The following LANCL2 variants were observed in gnomAD, a reference collection of about 807,000 sequenced individuals.
LANCL2 encodes the protein lanC-like protein 2.
In LANCL2, 33 loss-of-function variants were observed where a neutral mutation model predicts 56.9. The observed-to-expected ratio is 0.58, with a 90% CI of 0.44 to 0.78. The LOEUF (loss-of-function observed/expected upper bound fraction) is 0.78, where lower values mean the gene tolerates loss of function less well. Among genes scored for constraint, LANCL2 ranks in the 30% least tolerant of loss-of-function variants. The probability of loss-of-function intolerance (pLI) is 0.00; values close to 1 mark genes in which losing one functional copy is unlikely to be tolerated. For synonymous variants in LANCL2, 233 were observed against 228.2 expected, an observed-to-expected ratio of 1.02 and a Z score of -0.19; for missense variants, 562 against 580.2, an observed-to-expected ratio of 0.97 and a Z score of 0.32.
At chr7:55,414,983 CAA>C (rs372708498) in intron 6 of LANCL2, among the ~76,000 whole-genome samples, 61 of 62,244 alleles carry the variant, frequency 9.8e-4, no homozygotes, top group Non-Finnish European at 1.3e-3. Context: ...GACCCTACCT[CAA>C]AAAAAAAAAA....
intron 5 of LANCL2, among the ~76,000 whole-genome samples, chr7:55,409,168 A>G (rs1425477412): frequency 1.3e-5 from 2 of 149,442 alleles, no homozygotes; most frequent in Non-Finnish European, 3.0e-5. Context: ...GGCTCACTGC[A>G]AGCTCTGCCT....
rs979325984 is a variant in LANCL2 at position 55,433,296 on chromosome 7, T to C, written c.*1976T>C. On this transcript the variant is annotated 3_prime_UTR_variant, in exon 9 of 9. Transcript: ENST00000254770. ...TCTTTCTAACACACTGAGGGAAAGA[T>C]TAAAATCTGTGGAATAAAGGAGGAG... The C allele has an allele frequency of 3.5e-4, 54 of 152,234 alleles. No homozygotes were observed. Among genetic ancestry groups the C allele is most frequent in the African/African-American group, 1.3e-3 (52 of 41,472 alleles). The allele number at this position is 152,234 out of a possible 1,614,324, so 9.4% of individuals were successfully genotyped here.
At chr7:55,368,970 C>G (rs1789906849) in intron 1 of LANCL2, among the ~76,000 whole-genome samples, 1 of 152,062 alleles carries the variant, frequency 6.6e-6, no homozygotes, top group Non-Finnish European at 1.5e-5. Context: ...CATAGTGAGA[C>G]CCTGTCTCTT....
intron 8 of LANCL2, among the ~76,000 whole-genome samples, chr7:55,429,837 C>T (rs957887721): frequency 6.6e-6 from 1 of 152,280 alleles, no homozygotes; most frequent in African/African-American, 2.4e-5. Context: ...CACCTCCTTC[C>T]CCTGTGCCTC....
intron 5 of LANCL2, among the ~76,000 whole-genome samples, chr7:55,410,901 A>G (rs1197173514): frequency 6.6e-6 from 1 of 151,820 alleles, no homozygotes; most frequent in Non-Finnish European, 1.5e-5. Context: ...AGGTGTTAAC[A>G]TGTCACCCTA....
intron 5 of LANCL2, among the ~76,000 whole-genome samples, chr7:55,402,888 T>A (rs1343860511): frequency 7.3e-6 from 1 of 137,200 alleles, no homozygotes; most frequent in African/African-American, 2.8e-5. Flanking sequence ...ATGGGCGGCC[T>A]GGCAGAGACG....
chr7:55,412,135 GT>G, intron 6 of LANCL2, 46 bp downstream of exon 6: 1 of 1,562,214 alleles, frequency 6.4e-7, no homozygotes, highest in Non-Finnish European at 8.7e-7. Flanking sequence ...GGGGAGCCAG[GT>G]TTCCCTGTCA....
intron 8 of LANCL2, among the ~76,000 whole-genome samples, chr7:55,430,757 G>A (rs548042196): frequency 2.6e-4 from 40 of 152,318 alleles, no homozygotes; most frequent in African/African-American, 7.7e-4. Flanking sequence ...AAGCTGCTGT[G>A]AGTCTAGTTG....
Position 55,365,792 on chromosome 7 carries a change from G to C in LANCL2, c.-234G>C, listed in dbSNP as rs946315206. 2.6e-6 allele frequency: 1 copy of C among 391,482 alleles called. No individual in the cohort carries two copies. The highest frequency in any genetic ancestry group is 9.3e-5 in the South Asian group (1 of 10,704). The allele number at this position is 391,482 out of a possible 1,614,324, so 24.3% of individuals were successfully genotyped here. On this transcript the variant is annotated 5_prime_UTR_variant, in exon 1 of 9. Transcript: ENST00000254770. Reference sequence around the variant, plus strand: ...CCTCTCCGTCGGGAGCAGGGCAAAGGCGCCAGGAACAGGGCAGAGGCACAG... The same window carrying C: ...CCTCTCCGTCGGGAGCAGGGCAAAGCCGCCAGGAACAGGGCAGAGGCACAG...
chr7:55,385,122 C>T (rs371276471), intron 1 of LANCL2, among the ~76,000 whole-genome samples: 261 of 152,042 alleles, frequency 1.7e-3, no homozygotes, highest in African/African-American at 1.9e-3. Flanking sequence ...GTGAGGCAGA[C>T]GTTGCAGTGA....
At chr7:55,368,104 A>G (rs1206176581) in intron 1 of LANCL2, among the ~76,000 whole-genome samples, 1 of 152,258 alleles carries the variant, frequency 6.6e-6, no homozygotes, top group Non-Finnish European at 1.5e-5. Context: ...GTGAAAGATG[A>G]ATGAAATGAA....
At chr7:55,368,762 T>A (rs1344978929) in intron 1 of LANCL2, among the ~76,000 whole-genome samples, 1 of 148,988 alleles carries the variant, frequency 6.7e-6, no homozygotes, top group East Asian at 1.9e-4. Flanking sequence ...AATGTGACAT[T>A]TGGAAATAAG....
chr7:55,392,278 G>A (rs754826815), intron 2 of LANCL2, among the ~76,000 whole-genome samples: 1 of 151,924 alleles, frequency 6.6e-6, no homozygotes, highest in Non-Finnish European at 1.5e-5. Context: ...GAGCCACAGA[G>A]TGAGACTCCA....
At chr7:55,393,024 C>A (rs1790210226) in intron 2 of LANCL2, among the ~76,000 whole-genome samples, 3 of 152,084 alleles carry the variant, frequency 2.0e-5, no homozygotes, top group Admixed American at 6.6e-5. Flanking sequence ...CACTTCACAT[C>A]AAAAAATGTA....
chr7:55,414,716 A>G (rs1004648804), intron 6 of LANCL2, among the ~76,000 whole-genome samples: 1 of 152,086 alleles, frequency 6.6e-6, no homozygotes, highest in Non-Finnish European at 1.5e-5. Context: ...ACTGTGGCTC[A>G]CACCTGTAAT....
chr7:55,386,784 T>C (rs1393874843), intron 1 of LANCL2, among the ~76,000 whole-genome samples: 1 of 152,200 alleles, frequency 6.6e-6, no homozygotes, highest in African/African-American at 2.4e-5. Context: ...GACTAGGTCA[T>C]AGAGCTGGCC....
intron 8 of LANCL2, among the ~76,000 whole-genome samples, chr7:55,429,308 G>A (rs911646405): frequency 6.6e-6 from 1 of 152,178 alleles, no homozygotes; most frequent in Non-Finnish European, 1.5e-5. Flanking sequence ...TAGGTCTGGA[G>A]ATTTATTTTT....
At chr7:55,403,404 C>T (rs1790365288) in intron 5 of LANCL2, among the ~76,000 whole-genome samples, 2 of 151,852 alleles carry the variant, frequency 1.3e-5, no homozygotes, top group Non-Finnish European at 2.9e-5. Flanking sequence ...TACAGTCCAG[C>T]TTTGGCTCGG....
intron 1 of LANCL2, among the ~76,000 whole-genome samples, chr7:55,380,807 TGGA>T (rs1020879974): frequency 3.3e-4 from 50 of 150,784 alleles, no homozygotes; most frequent in African/African-American, 1.2e-3. Context: ...AGTGTATGAT[TGGA>T]GGAGGAGGGA....
Sources: gnomAD v4.1 joint callset for allele counts (sites outside exome capture counted in the v4.1 genomes callset) on GRCh38, gnomAD v4.1.1 for gene constraint, MANE v1.5 for transcripts, NCBI Gene and HGNC (gene_info 2026-07-23, HGNC 2026-07-21) for gene names.